Variants in INVS observed in about 807,000 individuals in gnomAD.
INVS encodes inversin.
In INVS, 86 loss-of-function variants were observed where a neutral mutation model predicts 108.8. That is an observed-to-expected ratio of 0.79 (90% CI 0.66 to 0.95). INVS has a LOEUF of 0.95. INVS is among the 40% of genes least tolerant of loss of function. The pLI is 0.00. For missense variants in INVS, 1,169 were observed against 1,297.4 expected (o/e 0.90, Z 1.52); for synonymous variants, 455 against 473.5 (o/e 0.96, Z 0.51).
intron 8 of INVS, among the ~76,000 whole-genome samples, chr9:100,247,527 A>G (rs1832082783): frequency 6.6e-6 from 1 of 152,178 alleles, no homozygotes; most frequent in African/African-American, 2.4e-5. Flanking sequence ...AAAATCAGTG[A>G]TGGGCTTCTC....
intron 12 of INVS, among the ~76,000 whole-genome samples, chr9:100,281,182 T>C (rs1230643771): frequency 1.3e-5 from 2 of 152,218 alleles, no homozygotes; most frequent in Non-Finnish European, 2.9e-5. Flanking sequence ...GGGGATGAAT[T>C]TTACCAGGAG....
intron 3 of INVS, among the ~76,000 whole-genome samples, chr9:100,187,886 A>G (rs1294371438): frequency 2.0e-5 from 3 of 152,118 alleles, no homozygotes; most frequent in Non-Finnish European, 2.9e-5. Flanking sequence ...CTTTCTGGTT[A>G]AGTATATTCC....
chr9:100,202,698 T>C (rs1158801481), intron 3 of INVS, among the ~76,000 whole-genome samples: 1 of 152,232 alleles, frequency 6.6e-6, no homozygotes, highest in African/African-American at 2.4e-5. Context: ...AAGAAGTTGC[T>C]GCACCTCCAA....
At chr9:100,194,229 G>A (rs1440521707) in intron 3 of INVS, among the ~76,000 whole-genome samples, 1 of 152,178 alleles carries the variant, frequency 6.6e-6, no homozygotes, top group African/African-American at 2.4e-5. Context: ...ACTTTCTTAT[G>A]AGGATACTTT....
rs759162487 is a variant in INVS, at chr9:100,252,321, G to A, written c.1117G>A (p.Val373Met). The A allele has an allele frequency of 6.0e-5, 97 of 1,613,870 alleles. No individual in the cohort carries two copies. Among genetic ancestry groups the A allele is most frequent in the Admixed American group, 1.5e-4 (9 of 59,988 alleles). Residue 373 changes from valine (V) to methionine (M), a missense_variant, in exon 9 of 17, where the codon GTG (valine) becomes ATG (methionine). Around this residue, in one of 3 missense-constraint regions of INVS, gnomAD observed 271 missense variants for 363.8 expected, o/e 0.74. Coordinates refer to ENST00000262457, the MANE Select transcript of INVS (RefSeq NM_014425.5). ...TGCTCTTTCTGGCCATGTCAGCACC[G>A]TGAAGTTATTACTGGAAAATAATGC... Reference protein sequence around the residue: ...AAALSGHVSTVKLLLENNAQV... With the variant: ...AAALSGHVSTMKLLLENNAQV...
At chr9:100,218,622 T>C (rs1203991430) in intron 3 of INVS, among the ~76,000 whole-genome samples, 1 of 152,204 alleles carries the variant, frequency 6.6e-6, no homozygotes, top group Admixed American at 6.5e-5. Context: ...TAGAATATGA[T>C]TTCAGAATAG....
chr9:100,294,160 C>T (rs1833715968), intron 14 of INVS, among the ~76,000 whole-genome samples: 1 of 151,994 alleles, frequency 6.6e-6, no homozygotes. Flanking sequence ...AGAGTGAGAC[C>T]CTGTCTCAAG....
At chr9:100,219,342 C>CA (rs1330882871) in intron 3 of INVS, among the ~76,000 whole-genome samples, 2 of 152,224 alleles carry the variant, frequency 1.3e-5, no homozygotes, top group Non-Finnish European at 2.9e-5. Flanking sequence ...CACAGTGGTG[C>CA]ACGCCTGTAG....
intron 3 of INVS, chr9:100,175,365 C>T: frequency 1.3e-6 from 1 of 775,780 alleles, no homozygotes; most frequent in Non-Finnish European, 2.3e-6. Flanking sequence ...CAAAGGCAGA[C>T]AACTCACTTC....
At chr9:100,247,661 G>A (rs966175398) in intron 8 of INVS, among the ~76,000 whole-genome samples, 1 of 113,540 alleles carries the variant, frequency 8.8e-6, no homozygotes, top group Non-Finnish European at 1.9e-5. Context: ...AGGGAGGGGA[G>A]TTGCTTTACT....
At chr9:100,199,716 T>A (rs890118843) in intron 3 of INVS, among the ~76,000 whole-genome samples, 5 of 152,192 alleles carry the variant, frequency 3.3e-5, no homozygotes, top group African/African-American at 1.2e-4. Flanking sequence ...TGGTGGTGGT[T>A]GTTTTTCTGA....
chr9:100,300,938 C>CG lies in INVS; in HGVS notation c.*264_*265insG. On this transcript the variant is annotated 3_prime_UTR_variant, in exon 17 of 17. Coordinates refer to ENST00000262457, the MANE Select transcript of INVS (RefSeq NM_014425.5). ...TGCAAAGTGCCTGAGTGTCTGCTTT[C>CG]ACCTCAGTCTGTACAGTTGGAAATG... 2.0e-6 allele frequency: 1 copy of CG among 510,566 alleles called. No homozygotes were observed. Among genetic ancestry groups the CG allele is most frequent in the Non-Finnish European group, 3.6e-6 (1 of 281,568 alleles). 31.6% of individuals were successfully genotyped at this position (510,566 alleles called of 1,614,324 possible).
chr9:100,109,366 T>C (rs1318260620), intron 2 of INVS, among the ~76,000 whole-genome samples: 1 of 152,240 alleles, frequency 6.6e-6, no homozygotes, highest in Non-Finnish European at 1.5e-5. Context: ...TTACTGTTAT[T>C]GTTATGTCAG....
intron 3 of INVS, among the ~76,000 whole-genome samples, chr9:100,196,612 C>G (rs1830382459): frequency 6.6e-6 from 1 of 151,284 alleles, no homozygotes. Flanking sequence ...GCTGTTCTAT[C>G]TCAATCTTTT....
At chr9:100,279,359 A>G (rs532256042) in intron 12 of INVS, among the ~76,000 whole-genome samples, 1 of 152,324 alleles carries the variant, frequency 6.6e-6, no homozygotes, top group African/African-American at 2.4e-5. Flanking sequence ...ACTTGGTTCA[A>G]GGGAATCCTT....
In INVS at chr9:100,254,873, T is replaced by G. The variant is rs138224207; in HGVS notation, c.1464+1737T>G. Among the ~76,000 whole-genome samples, 650 of 152,360 alleles carry G rather than the reference T, an allele frequency of 4.3e-3. 4 individuals carry two copies. Among genetic ancestry groups the G allele is most frequent in the African/African-American group, 0.015 (624 of 41,574 alleles). On this transcript the variant is annotated intron_variant, in intron 10 of 16. Coordinates refer to ENST00000262457, the MANE Select transcript of INVS (RefSeq NM_014425.5). Reference sequence around the variant, plus strand: ...CGTGATGCTTCCAGCTTTGTTCTTTTGGCTTAGGATTGTCTTGGCAATGCG... The same window carrying G: ...CGTGATGCTTCCAGCTTTGTTCTTTGGGCTTAGGATTGTCTTGGCAATGCG...
At position 100,100,972 on chromosome 9, in the gene INVS, A is replaced by G. The variant is rs867459821; in HGVS notation, c.-25+1556A>G. ...CATATATATTATATATATAATATAT[A>G]TTATATATATAATATATATGTATAT... On this transcript the variant is annotated intron_variant, in intron 1 of 16. Coordinates refer to ENST00000262457, the MANE Select transcript of INVS (RefSeq NM_014425.5). 8.9e-4 allele frequency among the ~76,000 whole-genome samples: 61 copies of G among 68,412 alleles called. 1 individual carries two copies. Among genetic ancestry groups the G allele is most frequent in the African/African-American group, 4.6e-3 (58 of 12,530 alleles). The allele number at this position is 68,412 out of a possible 152,430, so 44.9% of individuals were successfully genotyped here. A position where few individuals can be genotyped will look rare whatever the true frequency, so the allele number is the denominator to read the frequency against.
intron 3 of INVS, among the ~76,000 whole-genome samples, chr9:100,200,792 G>A (rs964919363): frequency 6.6e-6 from 1 of 152,090 alleles, no homozygotes; most frequent in South Asian, 2.1e-4. Context: ...TGCATATATG[G>A]GGCTTCCCCT....
chr9:100,170,471 G>A (rs1829502416), intron 3 of INVS, among the ~76,000 whole-genome samples: 1 of 151,894 alleles, frequency 6.6e-6, no homozygotes, highest in East Asian at 1.9e-4. Context: ...GAGGCTGAGA[G>A]GGAGGATTGC....
Sources: allele counts gnomAD v4.1 joint callset (sites outside exome capture counted in the v4.1 genomes callset), GRCh38; gene constraint gnomAD v4.1.1; regional missense constraint gnomAD v4.1.1; transcripts MANE v1.5; gene names NCBI Gene and HGNC (gene_info 2026-07-23, HGNC 2026-07-21).